RARB: variants seen among roughly 807,000 people sequenced by gnomAD.
The protein encoded by RARB is retinoic acid receptor beta.
RARB carries 17 observed loss-of-function variants against 51.9 expected under a neutral mutation model. The observed-to-expected ratio is 0.33, with a 90% CI of 0.22 to 0.49. RARB has a LOEUF of 0.49. Among genes scored for constraint, RARB ranks in the 20% least tolerant of loss-of-function variants. RARB has a pLI of 0.99. For missense variants in RARB, 369 were observed against 550.8 expected (o/e 0.67, Z 3.30); for synonymous variants, 215 against 195.4 (o/e 1.10, Z -0.84).
chr3:25,483,458 T>C (rs1696325436), intron 2 of RARB, among the ~76,000 whole-genome samples: 2 of 152,050 alleles, frequency 1.3e-5, no homozygotes, highest in African/African-American at 4.8e-5. Context: ...TTGAGTGACT[T>C]AAGCTTCTTG....
intron 2 of RARB, among the ~76,000 whole-genome samples, chr3:24,941,900 G>C (rs549802375): frequency 2.0e-4 from 31 of 152,304 alleles, no homozygotes; most frequent in Non-Finnish European, 3.2e-4. Flanking sequence ...TTCTGAATTT[G>C]CAGTTCTCTT....
At chr3:25,453,057 G>A (rs1709263567) in intron 1 of RARB, among the ~76,000 whole-genome samples, 1 of 152,102 alleles carries the variant, frequency 6.6e-6, no homozygotes, top group African/African-American at 2.4e-5. Context: ...CCTGTGCAAA[G>A]GGCAAGTTGA....
At chr3:25,068,133 C>CAAAAAAAAAAAAAAAAA (rs55826425) in intron 3 of RARB, among the ~76,000 whole-genome samples, 1 of 33,250 alleles carries the variant, frequency 3.0e-5, no homozygotes, top group Non-Finnish European at 5.3e-5. Context: ...GACTCCATCT[C>CAAAAAAAAAAAAAAAAA]AAAAAAAAAA....
At chr3:25,576,017 G>C (rs763437409) in intron 4 of RARB, among the ~76,000 whole-genome samples, 2 of 151,946 alleles carry the variant, frequency 1.3e-5, no homozygotes, top group Non-Finnish European at 2.9e-5. Context: ...GAAGAAAAAT[G>C]TTCTGTAGGC....
Position 25,064,039 on chromosome 3 carries a change from G to T in RARB, c.-328+3863G>T, listed in dbSNP as rs114213186. Among the ~76,000 whole-genome samples, 1,443 of 152,190 alleles carry T rather than the reference G, an allele frequency of 9.5e-3. 31 individuals carry two copies. Among genetic ancestry groups the T allele is most frequent in the African/African-American group, 0.033 (1,370 of 41,510 alleles). On this transcript the variant is annotated intron_variant, in intron 3 of 11. Coordinates refer to the RARB transcript ENST00000383772. ...TAGAGACAGAGAAGGGATTACAAAAGTTAAGGAAGATGGGCAGCGGTGGGT... is the reference window on the plus strand; with the variant it reads ...TAGAGACAGAGAAGGGATTACAAAATTTAAGGAAGATGGGCAGCGGTGGGT...
At chr3:25,266,824 G>A (rs576694314) in intron 5 of RARB, among the ~76,000 whole-genome samples, 15 of 152,302 alleles carry the variant, frequency 9.8e-5, no homozygotes, top group African/African-American at 3.4e-4. Context: ...GCAGCCCTCT[G>A]CAAGCCAGGA....
chr3:25,290,149 T>C (rs985291116), intron 5 of RARB, among the ~76,000 whole-genome samples: 2 of 152,184 alleles, frequency 1.3e-5, no homozygotes, highest in African/African-American at 4.8e-5. Context: ...CAGGCTGTAA[T>C]GTCCCCCTTG....
chr3:25,229,639 T>C lies in RARB; in HGVS notation c.178+55064T>C, dbSNP rs112475090. 6.4e-3 allele frequency among the ~76,000 whole-genome samples: 968 copies of C among 152,004 alleles called. 16 individuals are homozygous for C. The highest frequency in any genetic ancestry group is 0.021 in the African/African-American group (867 of 41,516). On this transcript the variant is annotated intron_variant, in intron 5 of 11. Transcript: ENST00000383772. ...TGTACATCAGTGAAATTAAGTTCTA[T>C]GCTTTGAATGGGCACCCTTTTTTTT...
chr3:25,317,151 A>G (rs1418901936), intron 5 of RARB, among the ~76,000 whole-genome samples: 1 of 152,198 alleles, frequency 6.6e-6, no homozygotes, highest in African/African-American at 2.4e-5. Flanking sequence ...ATCTTATTAT[A>G]AGTGTTAGGT....
chr3:25,184,548 A>G (rs1700932035), intron 5 of RARB, among the ~76,000 whole-genome samples: 1 of 152,124 alleles, frequency 6.6e-6, no homozygotes, highest in Admixed American at 6.6e-5. Context: ...AAAGATAGGA[A>G]GTTGAAAATG....
At chr3:25,116,013 G>GT (rs1699681841) in intron 3 of RARB, among the ~76,000 whole-genome samples, 1 of 152,176 alleles carries the variant, frequency 6.6e-6, no homozygotes, top group Non-Finnish European at 1.5e-5. Flanking sequence ...ATTTCAAGAT[G>GT]TGACTATCTG....
intron 1 of RARB, among the ~76,000 whole-genome samples, chr3:24,838,805 C>T (rs1176904152): frequency 1.3e-5 from 2 of 151,968 alleles, no homozygotes; most frequent in Non-Finnish European, 2.9e-5. Flanking sequence ...AGAGGGCAGC[C>T]CTAACTTAGC....
intron 2 of RARB, among the ~76,000 whole-genome samples, chr3:24,985,333 G>A (rs1330650267): frequency 6.7e-6 from 1 of 150,048 alleles, no homozygotes; most frequent in Non-Finnish European, 1.5e-5. Context: ...CATGGCATTT[G>A]CCTCATGGTT....
intron 5 of RARB, among the ~76,000 whole-genome samples, chr3:25,393,057 T>A (rs1461190322): frequency 1.3e-5 from 2 of 152,138 alleles, no homozygotes; most frequent in Non-Finnish European, 1.5e-5. Flanking sequence ...CCTTAAGGTA[T>A]GTCCCTTCTA....
chr3:25,036,812 G>C (rs1462919778), intron 2 of RARB, among the ~76,000 whole-genome samples: 1 of 152,156 alleles, frequency 6.6e-6, no homozygotes, highest in Non-Finnish European at 1.5e-5. Flanking sequence ...CATTCAGGGT[G>C]GGGAGGGGGG....
chr3:25,007,291 A>G (rs1697292179), intron 2 of RARB, among the ~76,000 whole-genome samples: 3 of 152,180 alleles, frequency 2.0e-5, no homozygotes, highest in African/African-American at 7.2e-5. Flanking sequence ...TAATTAATAA[A>G]GGATGTTATC....
intron 2 of RARB, among the ~76,000 whole-genome samples, chr3:24,951,584 C>A (rs561784458): frequency 6.6e-6 from 1 of 152,188 alleles, no homozygotes; most frequent in Admixed American, 6.5e-5. Context: ...TAATGTCTTA[C>A]ATCCCTCTAC....
chr3:25,406,660 C>A (rs886921537), intron 5 of RARB, among the ~76,000 whole-genome samples: 4 of 152,196 alleles, frequency 2.6e-5, no homozygotes, highest in African/African-American at 9.7e-5. Flanking sequence ...CAATTATATT[C>A]TGAGACACTG....
intron 5 of RARB, among the ~76,000 whole-genome samples, chr3:25,229,241 G>A (rs955542770): frequency 6.6e-6 from 1 of 151,872 alleles, no homozygotes; most frequent in East Asian, 1.9e-4. Context: ...TTTGATTATA[G>A]GTTATATTTT....
Sources: allele counts gnomAD v4.1 joint callset (sites outside exome capture counted in the v4.1 genomes callset), GRCh38; gene constraint gnomAD v4.1.1; transcripts MANE v1.5; gene names NCBI Gene and HGNC (gene_info 2026-07-23, HGNC 2026-07-21).